Variants in GPM6A observed in about 807,000 individuals in gnomAD.
GPM6A encodes glycoprotein M6A, also known as neuronal membrane glycoprotein M6-a.
In GPM6A, 7 loss-of-function variants were observed where a neutral mutation model predicts 32.1. The ratio of observed to expected loss-of-function variants is 0.22; its 90% CI spans 0.12 to 0.41. The LOEUF (loss-of-function observed/expected upper bound fraction) is 0.41, where lower values mean the gene tolerates loss of function less well. GPM6A is among the 10% of genes least tolerant of loss of function. The pLI, the probability that GPM6A is intolerant of heterozygous loss-of-function variation, is 1.00. For missense variants in GPM6A, 235 were observed against 347.2 expected (o/e 0.68, Z 2.57); for synonymous variants, 130 against 123.4 (o/e 1.05, Z -0.35).
chr4:175,861,504 C>T (rs1736571865), intron 1 of GPM6A, among the ~76,000 whole-genome samples: 1 of 151,052 alleles, frequency 6.6e-6, no homozygotes, highest in African/African-American at 2.4e-5. Flanking sequence ...GTAATCCAAG[C>T]AATTTCAGAA....
chr4:175,776,240 C>G (rs17659023), intron 1 of GPM6A, among the ~76,000 whole-genome samples: 3,078 of 152,228 alleles, frequency 0.02, 57 homozygotes, highest in Non-Finnish European at 0.031. Flanking sequence ...CTAAATGTCT[C>G]CCATTTTTAA....
intron 1 of GPM6A, among the ~76,000 whole-genome samples, chr4:175,767,965 A>AT (rs1392451935): frequency 6.6e-6 from 1 of 152,214 alleles, no homozygotes; most frequent in Non-Finnish European, 1.5e-5. Flanking sequence ...ATTCAAGCAG[A>AT]TAACATATTT....
chr4:175,890,131 G>A (rs1737595092), intron 1 of GPM6A, among the ~76,000 whole-genome samples: 1 of 152,156 alleles, frequency 6.6e-6, no homozygotes, highest in African/African-American at 2.4e-5. Context: ...ATACCCAGAA[G>A]ACTGAGAAAA....
At chr4:175,877,800 C>A (rs1737132895) in intron 1 of GPM6A, among the ~76,000 whole-genome samples, 1 of 152,120 alleles carries the variant, frequency 6.6e-6, no homozygotes, top group South Asian at 2.1e-4. Context: ...CCAATAATCC[C>A]CTAAATTGTT....
At chr4:175,783,504 T>A (rs1733687940) in intron 1 of GPM6A, among the ~76,000 whole-genome samples, 1 of 151,976 alleles carries the variant, frequency 6.6e-6, no homozygotes, top group Admixed American at 6.6e-5. Context: ...TGCAAAATTT[T>A]CAAAGCATAA....
At chr4:175,783,840 A>T (rs182265806) in intron 1 of GPM6A, among the ~76,000 whole-genome samples, 1 of 152,202 alleles carries the variant, frequency 6.6e-6, no homozygotes, top group Admixed American at 6.5e-5. Flanking sequence ...ATTTTATGAG[A>T]ATCATTCTAT....
At chr4:175,669,661 A>C (rs1395182780) in intron 3 of GPM6A, among the ~76,000 whole-genome samples, 1 of 152,184 alleles carries the variant, frequency 6.6e-6, no homozygotes, top group Non-Finnish European at 1.5e-5. Flanking sequence ...ATATGGAAGA[A>C]CATTACTGTT....
chr4:175,763,883 G>T (rs1251551594), intron 1 of GPM6A, among the ~76,000 whole-genome samples: 1 of 152,066 alleles, frequency 6.6e-6, no homozygotes, highest in African/African-American at 2.4e-5. Flanking sequence ...GTGAAGTTCT[G>T]CAGTTACTGT....
intron 1 of GPM6A, among the ~76,000 whole-genome samples, chr4:175,878,803 C>A (rs1180202169): frequency 6.6e-6 from 1 of 152,138 alleles, no homozygotes; most frequent in Non-Finnish European, 1.5e-5. Context: ...ATGGGTTTTT[C>A]TTTCCTATCA....
chr4:175,658,092 A>T (rs560151237), intron 3 of GPM6A, among the ~76,000 whole-genome samples: 76 of 152,322 alleles, frequency 5.0e-4, no homozygotes, highest in African/African-American at 1.8e-3. Flanking sequence ...TTGTGATCGG[A>T]AAATTCTTTT....
chr4:175,750,999 T>G (rs986395289), intron 1 of GPM6A, among the ~76,000 whole-genome samples: 3 of 152,184 alleles, frequency 2.0e-5, no homozygotes, highest in Non-Finnish European at 4.4e-5. Flanking sequence ...ATGTGTTGCC[T>G]TCTCAGTAAT....
At chr4:175,728,381 G>A (rs2111134103) in intron 1 of GPM6A, among the ~76,000 whole-genome samples, 1 of 152,210 alleles carries the variant, frequency 6.6e-6, no homozygotes, top group East Asian at 1.9e-4. Context: ...TTTGTCAGAT[G>A]TTATTTTGAA....
chr4:175,936,932 A>C (rs1167017086), intron 1 of GPM6A, among the ~76,000 whole-genome samples: 1 of 152,154 alleles, frequency 6.6e-6, no homozygotes, highest in Non-Finnish European at 1.5e-5. Flanking sequence ...AATATGTGAA[A>C]ATTTTTCCTT....
At chr4:175,895,229 A>G (rs1737760713) in intron 1 of GPM6A, among the ~76,000 whole-genome samples, 1 of 152,028 alleles carries the variant, frequency 6.6e-6, no homozygotes. Flanking sequence ...TATGTGATCC[A>G]TTTTGCTCTG....
At chr4:175,798,323 TA>T (rs374990909) in intron 1 of GPM6A, among the ~76,000 whole-genome samples, 52 of 152,340 alleles carry the variant, frequency 3.4e-4, no homozygotes, top group African/African-American at 1.3e-3. Flanking sequence ...AACTTGACGT[TA>T]AGATTACCAT....
intron 1 of GPM6A, among the ~76,000 whole-genome samples, chr4:175,954,889 A>G (rs1016728425): frequency 1.3e-5 from 2 of 152,230 alleles, no homozygotes; most frequent in Admixed American, 6.5e-5. Flanking sequence ...CAGGGACTAC[A>G]GTAAATTAAC....
chr4:175,709,186 G>A lies in GPM6A; in HGVS notation c.38-7419C>T, dbSNP rs73002183. Among the ~76,000 whole-genome samples the A allele has an allele frequency of 5.0e-3, 765 of 152,088 alleles. 8 individuals are homozygous for A. Among genetic ancestry groups the A allele is most frequent in the African/African-American group, 0.017 (723 of 41,494 alleles). On this transcript the variant is annotated intron_variant, in intron 1 of 6. Coordinates refer to ENST00000393658, the MANE Select transcript of GPM6A (RefSeq NM_201591.3). Reference sequence around the variant, plus strand: ...AACGTATTTCCTTTGGTCTTCTCCAGTGATTTTAATTCTTCCTTTTTTATT... The same window carrying A: ...AACGTATTTCCTTTGGTCTTCTCCAATGATTTTAATTCTTCCTTTTTTATT...
intron 1 of GPM6A, among the ~76,000 whole-genome samples, chr4:175,884,771 T>G (rs1737396866): frequency 6.6e-6 from 1 of 152,088 alleles, no homozygotes; most frequent in East Asian, 1.9e-4. Flanking sequence ...TGACCTCAGG[T>G]GATCTGCCTG....
chr4:175,837,188 C>T (rs1346320745), intron 1 of GPM6A, among the ~76,000 whole-genome samples: 3 of 151,826 alleles, frequency 2.0e-5, no homozygotes, highest in African/African-American at 7.3e-5. Flanking sequence ...AAGGAAAGGG[C>T]CAGGAGCCAA....
Sources: gnomAD v4.1 joint callset for allele counts (sites outside exome capture counted in the v4.1 genomes callset) on GRCh38, gnomAD v4.1.1 for gene constraint, MANE v1.5 for transcripts, NCBI Gene and HGNC (gene_info 2026-07-23, HGNC 2026-07-21) for gene names.